The following FGFR1 variants were observed in gnomAD, a reference collection of about 807,000 sequenced individuals.
The protein encoded by FGFR1 is fibroblast growth factor receptor 1, also known as FGFR1/PLAG1 fusion.
Under a neutral mutation model 93.7 loss-of-function variants are expected in FGFR1, and 18 were observed. The observed-to-expected ratio is 0.19, with a 90% CI of 0.13 to 0.28. FGFR1 has a LOEUF of 0.28. FGFR1 is among the 10% of genes least tolerant of loss of function. The pLI is 1.00. For synonymous variants in FGFR1, 448 were observed against 429.3 expected (o/e 1.04, Z -0.54); for missense variants, 731 against 1,080.4 (o/e 0.68, Z 4.53).
In FGFR1 at chr8:38,429,598, G is replaced by A; in HGVS notation, c.358+84C>T. 2.8e-6 allele frequency: 4 copies of A among 1,413,894 alleles called. No homozygotes were observed. The highest frequency in any genetic ancestry group is 1.3e-5 in the South Asian group (1 of 77,616). The allele number at this position is 1,413,894 out of a possible 1,614,324, so 87.6% of individuals were successfully genotyped here. ...GTGGGGGCAGATCACGGAGGGGGAG[G>A]AGGTTCACCTTCCTCTGAAACTGGC... On this transcript the variant is annotated intron_variant, in intron 3 of 17. Transcript: ENST00000447712. This position sits in a 1 kb window ranked among gnomAD's most constrained non-coding sequence, Gnocchi z 4.4.
intron 1 of FGFR1, chr8:38,458,853 C>A (rs1303641711): frequency 2.7e-5 from 6 of 221,280 alleles, no homozygotes; most frequent in African/African-American, 1.3e-4. Context: ...TTACAAAGAG[C>A]CTAAGAGTGT....
At position 38,424,850 on chromosome 8, in the gene FGFR1, G is replaced by A; in HGVS notation, c.746-151C>T. On this transcript the variant is annotated intron_variant, in intron 6 of 17. Transcript: ENST00000447712. The surrounding 1 kb of genome is among the most constrained non-coding windows in gnomAD (Gnocchi z 4.3). ...AGCCCAAGCCTCTCAAAACAGAGCT[G>A]GGGAAAGGGACACCCTCTCTTCAGG... The A allele has an allele frequency of 1.3e-6, 1 of 748,134 alleles. No homozygotes were observed. The highest frequency in any genetic ancestry group is 2.1e-6 in the Non-Finnish European group (1 of 468,424). 46.3% of individuals were successfully genotyped at this position (748,134 alleles called of 1,614,324 possible). A position where few individuals can be genotyped will look rare whatever the true frequency, so the allele number is the denominator to read the frequency against.
At chr8:38,440,407 T>G (rs767079668) in intron 2 of FGFR1, 35 of 1,539,208 alleles carry the variant, frequency 2.3e-5, no homozygotes, top group Non-Finnish European at 2.9e-5. Context: ...GCCCCAAAAA[T>G]GTGTTTCTCT....
At chr8:38,432,321 T>C (rs900412207) in intron 2 of FGFR1, among the ~76,000 whole-genome samples, 2 of 151,948 alleles carry the variant, frequency 1.3e-5, no homozygotes, top group Admixed American at 6.6e-5. Context: ...CTCGCTTTCC[T>C]CCTGATGCAA....
intron 1 of FGFR1, among the ~76,000 whole-genome samples, chr8:38,460,379 C>T (rs1834103101): frequency 6.6e-6 from 1 of 152,140 alleles, no homozygotes; most frequent in South Asian, 2.1e-4. Flanking sequence ...GCACACCTGA[C>T]CAAGAAAACC....
At chr8:38,465,069 G>C (rs552179661) in intron 1 of FGFR1, among the ~76,000 whole-genome samples, 1 of 152,284 alleles carries the variant, frequency 6.6e-6, no homozygotes, top group South Asian at 2.1e-4. Flanking sequence ...TTGCCCTCTG[G>C]AGTCCACCAG....
intron 2 of FGFR1, among the ~76,000 whole-genome samples, chr8:38,441,824 A>G (rs1348504726): frequency 6.6e-6 from 1 of 152,204 alleles, no homozygotes; most frequent in African/African-American, 2.4e-5. Context: ...CCCCTAGGAC[A>G]CAGTTTAGGG....
At chr8:38,428,953 G>A in intron 3 of FGFR1, 1 of 305,616 alleles carries the variant, frequency 3.3e-6, no homozygotes, top group Non-Finnish European at 6.4e-6. Flanking sequence ...CACCACCCCA[G>A]CAGCTGCCAA....
Position 38,421,797 on chromosome 8 carries a change from C to T in FGFR1, c.1081G>A (p.Ala361Thr), listed in dbSNP as rs2150751821. 1 of 1,614,076 alleles carries T rather than the reference C, an allele frequency of 6.2e-7. No homozygotes were observed. The highest frequency in any genetic ancestry group is 8.5e-7 in the Non-Finnish European group (1 of 1,179,994). The change falls in exon 8 of 18, where the codon GCC becomes ACC. Residue 361 changes from alanine (A) to threonine (T), a missense_variant and splice_region_variant. This residue lies in a region of FGFR1 where 146 missense variants were observed against 173.0 expected (regional missense o/e 0.84). Coordinates refer to ENST00000447712, the MANE Select transcript of FGFR1 (RefSeq NM_023110.3). Reference sequence around the variant, plus strand: ...CGAGAGGAGAAGTTACAGTGTGTACCTTCCAGAACGGTCAACCATGCAGAG... The same window carrying T: ...CGAGAGGAGAAGTTACAGTGTGTACTTTCCAGAACGGTCAACCATGCAGAG... ...HHSAWLTVLE[A>T]LEERPAVMTS... is the part of the protein sequence containing the mutation.
intron 8 of FGFR1, among the ~76,000 whole-genome samples, chr8:38,420,689 C>T (rs1305198726): frequency 2.6e-5 from 4 of 152,108 alleles, no homozygotes; most frequent in South Asian, 2.1e-4. Context: ...GGACGGCCCT[C>T]CTCCTTCCAC....
intron 9 of FGFR1, among the ~76,000 whole-genome samples, chr8:38,419,043 G>A (rs866053601): frequency 3.3e-5 from 5 of 152,174 alleles, no homozygotes; most frequent in Non-Finnish European, 5.9e-5. Flanking sequence ...CTCGTCTGCC[G>A]CCATGTGAGA....
Position 38,412,207 on chromosome 8 carries a change from G to C in FGFR1, c.*1421C>G, listed in dbSNP as rs1814605937. 4.8e-6 allele frequency: 1 copy of C among 210,500 alleles called. No homozygotes were observed. Among genetic ancestry groups the C allele is most frequent in the Non-Finnish European group, 9.7e-6 (1 of 103,570 alleles). The allele number at this position is 210,500 out of a possible 1,614,324, so 13.0% of individuals were successfully genotyped here. A position where few individuals can be genotyped will look rare whatever the true frequency, so the allele number is the denominator to read the frequency against. ...TGGGATTACAGGCGTGTGCCACCAT[G>C]CCTGGATAATTTTTGCATTTTTAGT... On this transcript the variant is annotated 3_prime_UTR_variant, in exon 18 of 18. Coordinates refer to ENST00000447712, the MANE Select transcript of FGFR1 (RefSeq NM_023110.3).
rs2151506546 is a variant in FGFR1, at chr8:38,468,071, C to G, written c.-179G>C. ...CGCGTCCCCGGCTCCGGCCCGCCGCCCCCGGGCTCTGTTCGGGTCCTGGCG... is the reference window on the plus strand; with the variant it reads ...CGCGTCCCCGGCTCCGGCCCGCCGCGCCCGGGCTCTGTTCGGGTCCTGGCG... On this transcript the variant is annotated 5_prime_UTR_variant, in exon 1 of 18. Coordinates refer to ENST00000447712, the MANE Select transcript of FGFR1 (RefSeq NM_023110.3). 4.5e-6 allele frequency: 1 copy of G among 224,542 alleles called. No homozygotes were observed. The highest frequency in any genetic ancestry group is 6.3e-5 in the East Asian group (1 of 15,906). 13.9% of individuals were successfully genotyped at this position (224,542 alleles called of 1,614,324 possible). A position where few individuals can be genotyped will look rare whatever the true frequency, so the allele number is the denominator to read the frequency against.
At chr8:38,417,555 T>C (rs1817126018) in intron 11 of FGFR1, 139 bp from the exon 12 acceptor site, 1 of 816,710 alleles carries the variant, frequency 1.2e-6, no homozygotes, top group Non-Finnish European at 2.1e-6. Flanking sequence ...AAACTTGTTT[T>C]CTCTTCCCTC....
chr8:38,450,070 C>T (rs1004236120), intron 2 of FGFR1, among the ~76,000 whole-genome samples: 5 of 152,246 alleles, frequency 3.3e-5, no homozygotes, highest in Non-Finnish European at 7.3e-5. Context: ...GTGGCCCAGA[C>T]TCCAGCAGGC....
At chr8:38,467,601 C>T (rs1279925910) in intron 1 of FGFR1, 3 of 235,790 alleles carry the variant, frequency 1.3e-5, no homozygotes, top group East Asian at 6.0e-5. Flanking sequence ...CCCACTCCCG[C>T]CCTCCTCCCC....
intron 7 of FGFR1, chr8:38,423,369 T>C (rs889907812): frequency 7.8e-6 from 4 of 512,224 alleles, no homozygotes; most frequent in Non-Finnish European, 1.0e-5. Flanking sequence ...TCACCCAGGC[T>C]GGAGTGCAGT....
At chr8:38,461,207 G>A in intron 1 of FGFR1, 2 of 1,442,302 alleles carry the variant, frequency 1.4e-6, no homozygotes, top group Non-Finnish European at 1.9e-6. Flanking sequence ...AGTGTCTGGT[G>A]AGATAGCAGG....
intron 2 of FGFR1, among the ~76,000 whole-genome samples, chr8:38,453,063 C>T (rs138992664): frequency 6.6e-6 from 1 of 152,214 alleles, no homozygotes; most frequent in African/African-American, 2.4e-5. Context: ...TTTACACTTA[C>T]AAGGTTCCTT....
Sources: allele counts gnomAD v4.1 joint callset (sites outside exome capture counted in the v4.1 genomes callset), GRCh38; gene constraint gnomAD v4.1.1; regional missense constraint gnomAD v4.1.1; non-coding constraint Gnocchi (gnomAD v3.1); transcripts MANE v1.5; gene names NCBI Gene and HGNC (gene_info 2026-07-23, HGNC 2026-07-21).